MAST4: variants seen among roughly 807,000 people sequenced by gnomAD.
MAST4 encodes microtubule-associated serine/threonine-protein kinase 4.
Under a neutral mutation model 162.7 loss-of-function variants are expected in MAST4, and 89 were observed. That is an observed-to-expected ratio of 0.55 (90% CI 0.46 to 0.65). The LOEUF (loss-of-function observed/expected upper bound fraction) is 0.65, where lower values mean the gene tolerates loss of function less well. MAST4 is among the 30% of genes least tolerant of loss of function. The probability of loss-of-function intolerance (pLI) is 0.00; values close to 1 mark genes in which losing one functional copy is unlikely to be tolerated. For missense variants in MAST4, 3,153 were observed against 3,374.0 expected (o/e 0.93, Z 1.62); for synonymous variants, 1,479 against 1,361.1 (o/e 1.09, Z -1.91).
At chr5:67,111,174 G>T (rs1044091136) in intron 11 of MAST4, among the ~76,000 whole-genome samples, 7 of 152,020 alleles carry the variant, frequency 4.6e-5, no homozygotes, top group Admixed American at 2.0e-4. Context: ...ATTATTTTAA[G>T]GATCTAGTAA....
chr5:66,915,441 T>C (rs996464385), intron 4 of MAST4, among the ~76,000 whole-genome samples: 1 of 152,108 alleles, frequency 6.6e-6, no homozygotes, highest in African/African-American at 2.4e-5. Flanking sequence ...TTTCAGAAGA[T>C]TTCTAAAAAG....
intron 1 of MAST4, among the ~76,000 whole-genome samples, chr5:66,599,490 T>C (rs895385606): frequency 1.3e-5 from 2 of 152,194 alleles, no homozygotes; most frequent in Non-Finnish European, 2.9e-5. Flanking sequence ...AATAATAGCA[T>C]TAGAGTTAGG....
intron 1 of MAST4, among the ~76,000 whole-genome samples, chr5:66,753,804 G>A (rs1280149286): frequency 1.3e-5 from 2 of 150,494 alleles, no homozygotes; most frequent in African/African-American, 4.9e-5. Flanking sequence ...CATTTGATGA[G>A]GCCAGCATCA....
rs190801947 is a variant in MAST4 at position 66,873,686 on chromosome 5, T to C, written c.643-26265T>C. Among the ~76,000 whole-genome samples the C allele has an allele frequency of 4.6e-5, 7 of 152,334 alleles. No homozygotes were observed. The East Asian group carries it at 9.6e-4, about 21-fold the overall frequency. On this transcript the variant is annotated intron_variant, in intron 3 of 28. Coordinates refer to ENST00000403625, the MANE Select transcript of MAST4 (RefSeq NM_001164664.2). ...AGCCCCATTGCTCTAGATTTTCTCA[T>C]CTATGAGGAGAGTATAAGAAATGTT...
At chr5:66,940,309 G>A (rs1382368318) in intron 4 of MAST4, among the ~76,000 whole-genome samples, 2 of 152,044 alleles carry the variant, frequency 1.3e-5, no homozygotes. Flanking sequence ...TCAACAATGA[G>A]GTTGCCACAG....
At chr5:66,955,130 C>T (rs1298477306) in intron 4 of MAST4, among the ~76,000 whole-genome samples, 1 of 148,916 alleles carries the variant, frequency 6.7e-6, no homozygotes, top group African/African-American at 2.5e-5. Context: ...TGTTTGAATC[C>T]AGGAGGTGGA....
At chr5:66,661,759 CTTCA>C (rs1746926462) in intron 1 of MAST4, among the ~76,000 whole-genome samples, 2 of 152,214 alleles carry the variant, frequency 1.3e-5, no homozygotes, top group South Asian at 4.2e-4. Context: ...TGTATTTGCC[CTTCA>C]TAAGTTAGGA....
intron 3 of MAST4, among the ~76,000 whole-genome samples, chr5:66,804,932 G>A (rs989923310): frequency 2.0e-5 from 3 of 152,104 alleles, no homozygotes; most frequent in African/African-American, 7.2e-5. Flanking sequence ...TCAGTTTTAA[G>A]TCTTTCTTCG....
rs73765329 is a variant in MAST4 at position 66,745,155 on chromosome 5, C to T, written c.364-14554C>T. 7.2e-3 allele frequency among the ~76,000 whole-genome samples: 1,100 copies of T among 152,230 alleles called. 10 individuals are homozygous for T. Among genetic ancestry groups the T allele is most frequent in the African/African-American group, 0.024 (1,015 of 41,548 alleles). ...AAAACTTGTTCACCTTAAATTTATACGGCTGATAAGTGGCTGGATGAAGTC... is the reference window on the plus strand; with the variant it reads ...AAAACTTGTTCACCTTAAATTTATATGGCTGATAAGTGGCTGGATGAAGTC... On this transcript the variant is annotated intron_variant, in intron 1 of 28. Transcript: ENST00000403625.
chr5:66,869,947 A>G (rs1760807144), intron 3 of MAST4, among the ~76,000 whole-genome samples: 1 of 152,160 alleles, frequency 6.6e-6, no homozygotes, highest in Admixed American at 6.5e-5. Context: ...ACTGTTGTCC[A>G]GCTCTGAGAG....
At chr5:66,903,037 T>A (rs1351554670) in intron 4 of MAST4, among the ~76,000 whole-genome samples, 1 of 152,154 alleles carries the variant, frequency 6.6e-6, no homozygotes, top group African/African-American at 2.4e-5. Context: ...AATAAAATGA[T>A]AAGCAAGTGC....
intron 1 of MAST4, among the ~76,000 whole-genome samples, chr5:66,703,444 T>G (rs1749910184): frequency 6.6e-6 from 1 of 152,164 alleles, no homozygotes; most frequent in Admixed American, 6.5e-5. Flanking sequence ...GTTGAATCGG[T>G]GGGAGCATGG....
At chr5:66,750,965 C>T (rs1753117751) in intron 1 of MAST4, among the ~76,000 whole-genome samples, 1 of 152,210 alleles carries the variant, frequency 6.6e-6, no homozygotes, top group Non-Finnish European at 1.5e-5. Context: ...AGGCAGACTG[C>T]CTTCTCAAGT....
chr5:66,697,063 A>C (rs1356721145), intron 1 of MAST4, among the ~76,000 whole-genome samples: 1 of 152,242 alleles, frequency 6.6e-6, no homozygotes. Flanking sequence ...CGGTGGACAG[A>C]CTATGGTTAT....
chr5:66,597,308 C>A (rs1742254136), intron 1 of MAST4, among the ~76,000 whole-genome samples: 1 of 152,216 alleles, frequency 6.6e-6, no homozygotes. Context: ...CTTGGTTGAT[C>A]TGTGAAAGGA....
At chr5:67,043,735 T>C (rs530450686) in intron 4 of MAST4, among the ~76,000 whole-genome samples, 1 of 152,298 alleles carries the variant, frequency 6.6e-6, no homozygotes. Context: ...AAACAACTTG[T>C]TTATGTCACA....
chr5:66,889,457 T>A (rs1020490021), intron 3 of MAST4, among the ~76,000 whole-genome samples: 11 of 152,222 alleles, frequency 7.2e-5, no homozygotes, highest in African/African-American at 2.7e-4. Flanking sequence ...AAATTCTAAA[T>A]ATGTAGCTAG....
intron 2 of MAST4, among the ~76,000 whole-genome samples, chr5:66,775,506 A>G (rs1754558868): frequency 6.6e-6 from 1 of 152,204 alleles, no homozygotes; most frequent in African/African-American, 2.4e-5. Context: ...TACACCTACC[A>G]TTAATTTTCA....
intron 4 of MAST4, among the ~76,000 whole-genome samples, chr5:66,965,672 G>A (rs1746646480): frequency 6.6e-6 from 1 of 151,578 alleles, no homozygotes; most frequent in Admixed American, 6.6e-5. Context: ...TAGAAATAAT[G>A]TGTGTCACTA....
Sources: gnomAD v4.1 joint callset for allele counts (sites outside exome capture counted in the v4.1 genomes callset) on GRCh38, gnomAD v4.1.1 for gene constraint, MANE v1.5 for transcripts, NCBI Gene and HGNC (gene_info 2026-07-23, HGNC 2026-07-21) for gene names.